OPHN1: variants seen among roughly 807,000 people sequenced by gnomAD.
OPHN1 encodes oligophrenin 1.
In OPHN1, 11 loss-of-function variants were observed where a neutral mutation model predicts 60.7. The ratio of observed to expected loss-of-function variants is 0.18; its 90% confidence interval spans 0.11 to 0.30. The LOEUF (loss-of-function observed/expected upper bound fraction) is 0.30, where lower values mean the gene tolerates loss of function less well. Ranked by LOEUF, OPHN1 falls within the 10% of genes least tolerant of loss-of-function variation. The probability of loss-of-function intolerance (pLI) is 1.00; values close to 1 mark genes in which losing one functional copy is unlikely to be tolerated. For synonymous variants in OPHN1, 226 were observed against 222.6 expected, an observed-to-expected ratio of 1.02 and a Z score of -0.14; for missense variants, 449 against 611.0, an observed-to-expected ratio of 0.73 and a Z score of 2.80.
At chrX:68,405,493 T>TTATA (rs747884134) in intron 2 of OPHN1, among the ~76,000 whole-genome samples, 10 of 111,457 alleles carry the variant, frequency 9.0e-5, no homozygotes, top group Non-Finnish European at 1.7e-4. Context: ...GCCTGGCCCA[T>TTATA]TATAGTCTTT....
intron 4 of OPHN1, among the ~76,000 whole-genome samples, chrX:68,276,605 A>T (rs138488701): frequency 0.022 from 2,484 of 111,714 alleles, 47 homozygotes; most frequent in African/African-American, 0.058. Context: ...CTCCTTTACT[A>T]TTGTGGAAGC....
intron 15 of OPHN1, among the ~76,000 whole-genome samples, chrX:68,189,526 C>A (rs1287521370): frequency 9.6e-6 from 1 of 103,972 alleles, no homozygotes; most frequent in Non-Finnish European, 1.9e-5. Flanking sequence ...CCACAACAGG[C>A]CCCAGTGTGT....
chrX:68,178,551 G>A lies in OPHN1; in HGVS notation c.1276+14368C>T, dbSNP rs766979799. On this transcript the variant is annotated intron_variant, in intron 15 of 24. Transcript: ENST00000355520. ...CCCTAGTAGCTGAGATTACAGGTGC[G>A]CACCACCACATCCAGTTAATTTTTG... 9.0e-5 allele frequency among the ~76,000 whole-genome samples: 10 copies of A among 110,658 alleles called. No individual in the cohort carries two copies. The South Asian group carries it at 2.0e-3, about 22-fold the overall frequency.
intron 2 of OPHN1, among the ~76,000 whole-genome samples, chrX:68,308,071 G>T (rs1183745211): frequency 8.9e-6 from 1 of 112,274 alleles, no homozygotes; most frequent in Non-Finnish European, 1.9e-5. Context: ...ATATCACTAA[G>T]ACAGGAGTTT....
chrX:68,210,321 T>C (rs2147479612), intron 8 of OPHN1, 39 bp from the exon 9 acceptor site: 8 of 1,176,585 alleles, frequency 6.8e-6, no homozygotes, highest in Non-Finnish European at 9.2e-6. Context: ...ATTATCATCA[T>C]CATTATCATG....
At chrX:68,094,217 C>G (rs772672338) in intron 19 of OPHN1, among the ~76,000 whole-genome samples, 4 of 111,167 alleles carry the variant, frequency 3.6e-5, no homozygotes, top group Non-Finnish European at 7.6e-5. Flanking sequence ...AGGCCATACT[C>G]TGTAGGGCTA....
At chrX:68,186,516 G>GA (rs1213341801) in intron 15 of OPHN1, among the ~76,000 whole-genome samples, 2 of 110,164 alleles carry the variant, frequency 1.8e-5, no homozygotes, top group African/African-American at 3.3e-5. Flanking sequence ...AGTGCCATAG[G>GA]AAAAAAAGTG....
chrX:68,399,677 A>G (rs2078703062), intron 2 of OPHN1, among the ~76,000 whole-genome samples: 1 of 39,148 alleles, frequency 2.6e-5, no homozygotes, highest in East Asian at 1.1e-3. Context: ...CAAAATAAAT[A>G]AATAAAAATA....
chrX:68,192,193 G>C (rs1483137089), intron 15 of OPHN1, among the ~76,000 whole-genome samples: 2 of 111,685 alleles, frequency 1.8e-5, no homozygotes, highest in Non-Finnish European at 3.8e-5. Flanking sequence ...TTATTGAAAA[G>C]GAATCCTATA....
intron 2 of OPHN1, among the ~76,000 whole-genome samples, chrX:68,328,420 G>A (rs1389303374): frequency 2.7e-5 from 3 of 112,934 alleles, no homozygotes; most frequent in African/African-American, 6.4e-5. Context: ...GAGCCACCGC[G>A]CCCAGCCAAA....
intron 19 of OPHN1, among the ~76,000 whole-genome samples, chrX:68,074,795 A>G (rs1395832734): frequency 8.9e-6 from 1 of 111,804 alleles, no homozygotes; most frequent in Non-Finnish European, 1.9e-5. Context: ...CACAACATAG[A>G]AGCATGTCTG....
chrX:68,144,507 T>C (rs2077255990), intron 15 of OPHN1, among the ~76,000 whole-genome samples: 1 of 111,752 alleles, frequency 8.9e-6, no homozygotes, highest in Admixed American at 9.5e-5. Flanking sequence ...TAGTTGGAAT[T>C]TAGACATTAA....
At chrX:68,218,529 G>A (rs917349532) in intron 6 of OPHN1, among the ~76,000 whole-genome samples, 4 of 109,980 alleles carry the variant, frequency 3.6e-5, no homozygotes, top group African/African-American at 9.9e-5. Flanking sequence ...CAACCAGAGA[G>A]AAAGGTCGGG....
At chrX:68,154,729 T>A (rs909749050) in intron 15 of OPHN1, among the ~76,000 whole-genome samples, 1 of 111,632 alleles carries the variant, frequency 9.0e-6, no homozygotes, top group African/African-American at 3.3e-5. Context: ...AATACGTCTA[T>A]GTATTTCATA....
Position 68,192,925 on chromosome X carries a change from A to C in OPHN1, c.1270T>G (p.Phe424Val), listed in dbSNP as rs942810312. The C allele has an allele frequency of 7.5e-6, 9 of 1,204,727 alleles. No homozygotes were observed. The highest frequency in any genetic ancestry group is 4.3e-5 in the Admixed American group (2 of 46,097). The stretch of plus-strand genomic sequence containing the variant: ...ATCAAAGTAAAATTGTTACCAAAAA[A>C]GGCATTCAGCAGCTTCTGAACCTGA... ...NIQVQKLLNA[F>V]FDPKCPGDVD... is the part of the protein sequence containing the mutation. The change falls in exon 15 of 25, where the codon TTT becomes GTT. Residue 424 changes from phenylalanine to valine, a missense_variant. Physicochemically the swap from Phe to Val is conservative, Grantham distance 50. Coordinates refer to ENST00000355520, the MANE Select transcript of OPHN1 (RefSeq NM_002547.3).
intron 21 of OPHN1, among the ~76,000 whole-genome samples, chrX:68,060,008 C>A (rs748533822): frequency 2.7e-5 from 3 of 111,700 alleles, no homozygotes; most frequent in African/African-American, 9.7e-5. Context: ...ATTTTTGTCT[C>A]TCCCTTTGCA....
intron 16 of OPHN1, among the ~76,000 whole-genome samples, chrX:68,118,609 G>T (rs1828271209): frequency 9.0e-6 from 1 of 111,553 alleles, no homozygotes; most frequent in Non-Finnish European, 1.9e-5. Flanking sequence ...AAATCAATGT[G>T]TTTAAAAAAT....
intron 2 of OPHN1, among the ~76,000 whole-genome samples, chrX:68,353,837 T>C (rs2078426204): frequency 9.0e-6 from 1 of 111,577 alleles, no homozygotes; most frequent in Non-Finnish European, 1.9e-5. Flanking sequence ...CCACAAGGCA[T>C]AAATTAGTCT....
chrX:68,178,773 T>C (rs749503440), intron 15 of OPHN1, among the ~76,000 whole-genome samples: 57 of 112,167 alleles, frequency 5.1e-4, no homozygotes, highest in Non-Finnish European at 8.3e-4. Flanking sequence ...ATTGTTTTTG[T>C]CAATTGCAAC....
Sources: gnomAD v4.1 joint callset for allele counts (sites outside exome capture counted in the v4.1 genomes callset) on GRCh38, gnomAD v4.1.1 for gene constraint, MANE v1.5 for transcripts, NCBI Gene and HGNC (gene_info 2026-07-23, HGNC 2026-07-21) for gene names.